SLC14A1: variants seen among roughly 807,000 people sequenced by gnomAD.
SLC14A1 encodes the protein solute carrier family 14 member 1 (Kidd blood group).
Under a neutral mutation model 39.6 loss-of-function variants are expected in SLC14A1, and 36 were observed. The observed-to-expected ratio is 0.91, with a 90% confidence interval of 0.70 to 1.20. SLC14A1 has a LOEUF of 1.20. Ranked by LOEUF, SLC14A1 falls within the 50% of genes most tolerant of loss-of-function variation. SLC14A1 has a pLI of 0.00. For synonymous variants in SLC14A1, 164 were observed against 173.6 expected, an observed-to-expected ratio of 0.94 and a Z score of 0.43; for missense variants, 469 against 478.7, an observed-to-expected ratio of 0.98 and a Z score of 0.19.
chr18:45,730,446 G>GA lies in SLC14A1; in HGVS notation c.129dup (p.Glu44ArgfsTer7). The GA allele has an allele frequency of 6.2e-7, 1 of 1,614,176 alleles. No homozygotes were observed. Among genetic ancestry groups the GA allele is most frequent in the Non-Finnish European group, 8.5e-7 (1 of 1,180,006 alleles). On this transcript the variant is annotated frameshift_variant, in exon 3 of 10. Transcript: ENST00000321925. LOFTEE classifies it high-confidence loss of function. ...CTCTTGGCTATGTCACCGGTGACAT[G>GA]AAAGAACTTGCCAACCAGCTTAAAG...
chr18:45,749,807 C>G lies in SLC14A1; in HGVS notation c.1026C>G (p.Phe342Leu). The G allele has an allele frequency of 1.2e-6, 2 of 1,614,196 alleles. No homozygotes were observed. The highest frequency in any genetic ancestry group is 2.2e-5 in the South Asian group (2 of 91,086). Residue 342 changes from phenylalanine (F) to leucine (L), a missense_variant, in exon 10 of 10, where the codon TTC (phenylalanine) becomes TTG (leucine). Coordinates refer to ENST00000321925, the MANE Select transcript of SLC14A1 (RefSeq NM_015865.7). ...EVGLPACTWP[F>L]CLATLLFLIM... ...GATTGCCAGCTTGTACCTGGCCCTT[C>G]TGTTTGGCCACGCTATTGTTCCTCA...
In SLC14A1 at chr18:45,752,013, C is replaced by A; in HGVS notation, c.*2062C>A. ...TACAAATATTTTAGGGAGAAGCTCA[C>A]TTCTTCCTTTTCTCAGGAAACCAAG... On this transcript the variant is annotated 3_prime_UTR_variant, in exon 10 of 10. Transcript: ENST00000321925. The A allele has an allele frequency of 1.0e-6, 1 of 985,342 alleles. No individual in the cohort carries two copies. The highest frequency in any genetic ancestry group is 1.2e-6 in the Non-Finnish European group (1 of 829,906). 61.0% of individuals were successfully genotyped at this position (985,342 alleles called of 1,614,324 possible). A position where few individuals can be genotyped will look rare whatever the true frequency, so the allele number is the denominator to read the frequency against.
chr18:45,749,676 G>T, intron 9 of SLC14A1, 102 bp from the exon 10 acceptor site: 2 of 1,354,444 alleles, frequency 1.5e-6, no homozygotes, highest in South Asian at 1.2e-5. Context: ...GCCCCCAGTG[G>T]TTCATCCCCC....
Position 45,750,220 on chromosome 18 carries a change from T to G in SLC14A1, c.*269T>G. The G allele has an allele frequency of 7.3e-7, 1 of 1,374,290 alleles. No homozygotes were observed. The highest frequency in any genetic ancestry group is 1.6e-5 in the South Asian group (1 of 63,562). 85.1% of individuals were successfully genotyped at this position (1,374,290 alleles called of 1,614,324 possible). ...CACTAAGACTGGAATGTATATAAAGTCAAAGTGCTCCAACAGAAGGAGGAA... is the reference window on the plus strand; with the variant it reads ...CACTAAGACTGGAATGTATATAAAGGCAAAGTGCTCCAACAGAAGGAGGAA... On this transcript the variant is annotated 3_prime_UTR_variant, in exon 10 of 10. Coordinates refer to ENST00000321925, the MANE Select transcript of SLC14A1 (RefSeq NM_015865.7).
chr18:45,724,781 G>C (rs1359544773), intron 1 of SLC14A1, 169 bp from the exon 2 acceptor site: 2 of 152,152 alleles, frequency 1.3e-5, no homozygotes, highest in Admixed American at 6.5e-5. Context: ...TGCACCCATC[G>C]GGAGAACAAG....
chr18:45,742,226 T>C (rs488874), intron 8 of SLC14A1, among the ~76,000 whole-genome samples: 138,169 of 152,130 alleles, frequency 0.91, 62,856 homozygotes, highest in East Asian at 1. Context: ...TGGTGGAAAG[T>C]GTGGTGCAGG....
chr18:45,732,084 A>C (rs1200016327), intron 4 of SLC14A1, among the ~76,000 whole-genome samples: 1 of 152,234 alleles, frequency 6.6e-6, no homozygotes, highest in Non-Finnish European at 1.5e-5. Context: ...AGGTCTCCTC[A>C]GTTTGGGGAT....
chr18:45,737,675 G>A (rs534993833), intron 6 of SLC14A1: 1 of 152,258 alleles, frequency 6.6e-6, no homozygotes, highest in South Asian at 2.1e-4. Flanking sequence ...AGCATTAATC[G>A]ATCTAGAACT....
At chr18:45,733,163 C>T (rs9949609) in intron 4 of SLC14A1, among the ~76,000 whole-genome samples, 9 of 151,830 alleles carry the variant, frequency 5.9e-5, no homozygotes, top group Non-Finnish European at 1.0e-4. Flanking sequence ...ATTTGGGTGA[C>T]GAGTTCAATA....
At chr18:45,727,359 G>A (rs1468120568) in intron 2 of SLC14A1, 10 of 1,551,474 alleles carry the variant, frequency 6.4e-6, no homozygotes, top group African/African-American at 2.7e-5. Context: ...AGCTGGTGAC[G>A]CAGCGCGCAG....
At position 45,749,814 on chromosome 18, in the gene SLC14A1, G is replaced by A. The variant is rs1359183352; in HGVS notation, c.1033G>A (p.Ala345Thr). The A allele has an allele frequency of 1.2e-6, 2 of 1,613,978 alleles. No homozygotes were observed. Among genetic ancestry groups the A allele is most frequent in the Non-Finnish European group, 1.7e-6 (2 of 1,180,022 alleles). The change falls in exon 10 of 10, where the codon GCC becomes ACC. Residue 345 changes from alanine to threonine, a missense_variant. Ala to Thr is a moderately conservative substitution (Grantham distance 58, BLOSUM62 0). Coordinates refer to ENST00000321925, the MANE Select transcript of SLC14A1 (RefSeq NM_015865.7). The part of the protein sequence containing the change: ...LPACTWPFCL[A>T]TLLFLIMTTK... ...AGCTTGTACCTGGCCCTTCTGTTTG[G>A]CCACGCTATTGTTCCTCATCATGAC... is the stretch of plus-strand genomic sequence containing the variant.
chr18:45,731,409 A>G lies in SLC14A1; in HGVS notation c.341+205A>G, dbSNP rs147011048. ...ATATCTGAATAAATGGCTGGTCTAAATGATGCCAGATTCTTGTGGCATTAC... is the reference window on the plus strand; with the variant it reads ...ATATCTGAATAAATGGCTGGTCTAAGTGATGCCAGATTCTTGTGGCATTAC... On this transcript the variant is annotated intron_variant, in intron 4 of 9. Coordinates refer to ENST00000321925, the MANE Select transcript of SLC14A1 (RefSeq NM_015865.7). The G allele has an allele frequency of 2.9e-3, 1,843 of 633,198 alleles. 36 individuals carry two copies. The highest frequency in any genetic ancestry group is 1.2e-3 in the Non-Finnish European group (408 of 351,478). 39.2% of individuals were successfully genotyped at this position (633,198 alleles called of 1,614,324 possible). A position where few individuals can be genotyped will look rare whatever the true frequency, so the allele number is the denominator to read the frequency against.
chr18:45,735,090 G>A (rs945959670), intron 5 of SLC14A1, among the ~76,000 whole-genome samples: 7 of 152,270 alleles, frequency 4.6e-5, no homozygotes, highest in South Asian at 2.1e-4. Flanking sequence ...TGATGCACGT[G>A]GCCCCCACAT....
intron 4 of SLC14A1, chr18:45,731,650 C>G (rs1418213056): frequency 4.3e-6 from 1 of 230,808 alleles, no homozygotes; most frequent in African/African-American, 2.3e-5. Flanking sequence ...AAGGTCAGCT[C>G]AGCTCCTGGA....
intron 5 of SLC14A1, among the ~76,000 whole-genome samples, chr18:45,735,343 A>C (rs2047160422): frequency 6.6e-6 from 1 of 152,164 alleles, no homozygotes; most frequent in South Asian, 2.1e-4. Flanking sequence ...GGGCCCGAGA[A>C]TTTGCGTTTC....
rs2047661313 is a variant in SLC14A1, at chr18:45,749,834, C to G, written c.1053C>G (p.Ile351Met). Reference sequence around the variant, plus strand: ...GTTTGGCCACGCTATTGTTCCTCATCATGACCACAAAAAATTCCAACATCT... The same window carrying G: ...GTTTGGCCACGCTATTGTTCCTCATGATGACCACAAAAAATTCCAACATCT... ...PFCLATLLFL[I>M]MTTKNSNIYK... is the part of the protein sequence containing the mutation. Residue 351 changes from isoleucine (I) to methionine (M), a missense_variant, in exon 10 of 10, where the codon ATC (isoleucine) becomes ATG (methionine). By Grantham distance (10) the Ile-to-Met change is conservative (BLOSUM62 1). Transcript: ENST00000321925. 2 of 1,614,080 alleles carry G rather than the reference C, an allele frequency of 1.2e-6. No individual in the cohort carries two copies. Among genetic ancestry groups the G allele is most frequent in the African/African-American group, 1.3e-5 (1 of 74,920 alleles).
intron 8 of SLC14A1, among the ~76,000 whole-genome samples, chr18:45,741,796 G>C (rs8087320): frequency 0.48 from 72,278 of 151,422 alleles, 17,301 homozygotes; most frequent in East Asian, 0.51. Context: ...TTCTGAGATT[G>C]GTTAGGGGTT....
intron 2 of SLC14A1, among the ~76,000 whole-genome samples, chr18:45,728,288 AAAAT>A (rs1397419517): frequency 7.2e-5 from 11 of 152,216 alleles, no homozygotes; most frequent in African/African-American, 2.2e-4. Flanking sequence ...CAAGCCCTCT[AAAAT>A]AAATAAATAT....
In SLC14A1 at chr18:45,751,946, T is replaced by C. The variant is rs753066286; in HGVS notation, c.*1995T>C. On this transcript the variant is annotated 3_prime_UTR_variant, in exon 10 of 10. Transcript: ENST00000321925. The stretch of plus-strand genomic sequence containing the variant: ...AGTTTGCAGTGCTCAGTGCACAATA[T>C]ACATTTTGCTGAATGAATAAACAGA... 148 of 985,262 alleles carry C rather than the reference T, an allele frequency of 1.5e-4. No homozygotes were observed. The highest frequency in any genetic ancestry group is 1.8e-4 in the Non-Finnish European group (148 of 829,936). 61.0% of individuals were successfully genotyped at this position (985,262 alleles called of 1,614,324 possible).
Sources: gnomAD v4.1 joint callset for allele counts (sites outside exome capture counted in the v4.1 genomes callset) on GRCh38, gnomAD v4.1.1 for gene constraint, MANE v1.5 for transcripts, NCBI Gene and HGNC (gene_info 2026-07-23, HGNC 2026-07-21) for gene names.